The following SHISA9 variants were observed in gnomAD, a reference collection of about 807,000 sequenced individuals.
The protein encoded by SHISA9 is protein shisa-9.
A neutral mutation model predicts 38.0 loss-of-function variants in SHISA9; 13 were observed. The observed-to-expected ratio is 0.34, with a 90% CI of 0.22 to 0.54. The LOEUF (loss-of-function observed/expected upper bound fraction) is 0.54, where lower values mean the gene tolerates loss of function less well. SHISA9 is among the 20% of genes least tolerant of loss of function. The pLI is 0.91. For missense variants in SHISA9, 538 were observed against 575.8 expected (o/e 0.93, Z 0.67); for synonymous variants, 275 against 242.0 (o/e 1.14, Z -1.27).
the SHISA9 span, among the ~76,000 whole-genome samples, chr16:13,277,740 A>T: frequency 6.6e-6 from 1 of 151,920 alleles, no homozygotes; most frequent in Non-Finnish European, 1.5e-5. Flanking sequence ...GTTGGTTTAT[A>T]GAAGAGCTAC....
At chr16:13,269,764 G>A in the SHISA9 span, among the ~76,000 whole-genome samples, 1 of 152,218 alleles carries the variant, frequency 6.6e-6, no homozygotes, top group African/African-American at 2.4e-5. Flanking sequence ...AGTGGCTACA[G>A]TAAGGCTGTA....
intron 2 of SHISA9, among the ~76,000 whole-genome samples, chr16:13,187,344 T>C (rs1337042045): frequency 6.9e-6 from 1 of 145,924 alleles, no homozygotes; most frequent in East Asian, 2.0e-4. Context: ...TTTTTTTTTT[T>C]TTTTTTTTGA....
chr16:13,544,353 A>G, the SHISA9 span, among the ~76,000 whole-genome samples: 1 of 148,528 alleles, frequency 6.7e-6, no homozygotes, highest in African/African-American at 2.5e-5. Flanking sequence ...CAGAATTTGA[A>G]CCCCATTCTG....
chr16:13,251,187 G>A, the SHISA9 span, among the ~76,000 whole-genome samples: 2 of 152,156 alleles, frequency 1.3e-5, no homozygotes, highest in East Asian at 3.9e-4. Flanking sequence ...GTGTGGAGAT[G>A]CAGCATCCCC....
At chr16:13,082,092 C>A (rs2073657548) in intron 2 of SHISA9, among the ~76,000 whole-genome samples, 1 of 152,182 alleles carries the variant, frequency 6.6e-6, no homozygotes, top group East Asian at 1.9e-4. Flanking sequence ...AACAACAGAA[C>A]CCCCCAAAGG....
the SHISA9 span, among the ~76,000 whole-genome samples, chr16:13,268,557 G>T: frequency 6.6e-6 from 1 of 152,082 alleles, no homozygotes; most frequent in African/African-American, 2.4e-5. Flanking sequence ...AATTCATGTT[G>T]TACAAGACTT....
rs539582716 is a variant in SHISA9 at position 13,199,595 on chromosome 16, C to G, written c.692-3799C>G. 2.3e-4 allele frequency among the ~76,000 whole-genome samples: 35 copies of G among 152,318 alleles called. 2 individuals carry two copies. The highest frequency in any genetic ancestry group is 6.8e-3 in the Middle Eastern group (2 of 294). On this transcript the variant is annotated intron_variant, in intron 2 of 4. Coordinates refer to ENST00000558583, the MANE Select transcript of SHISA9 (RefSeq NM_001145204.3). The stretch of plus-strand genomic sequence containing the variant: ...CAGCTGCTTTCCTGTGGGTGTGATT[C>G]TTATTCTTTAATAATGAAGAAAGAT...
chr16:13,306,949 T>C, the SHISA9 span, among the ~76,000 whole-genome samples: 1 of 152,218 alleles, frequency 6.6e-6, no homozygotes, highest in Non-Finnish European at 1.5e-5. Context: ...TAGTAGTAGA[T>C]ACTTAATAAA....
In SHISA9 at chr16:12,902,867, T is replaced by TGTGTGTGTGTGTGTGA. The variant is rs1177790785; in HGVS notation, c.563+241_563+242insTGTGTGTGTGTGTGAG. On this transcript the variant is annotated intron_variant, in intron 1 of 4. Coordinates refer to ENST00000558583, the MANE Select transcript of SHISA9 (RefSeq NM_001145204.3). ...GTGTGAGCGTGTGTGTGTGTGTGTG[T>TGTGTGTGTGTGTGTGA]GACTCTGCTCCCTCACCCTCTGGCC... The TGTGTGTGTGTGTGTGA allele has an allele frequency of 1.3e-3, 656 of 503,244 alleles. 2 individuals are homozygous for TGTGTGTGTGTGTGTGA. In the East Asian group the frequency reaches 0.014, roughly 11 times the overall value. 31.2% of individuals were successfully genotyped at this position (503,244 alleles called of 1,614,324 possible). A position where few individuals can be genotyped will look rare whatever the true frequency, so the allele number is the denominator to read the frequency against.
chr16:13,381,231 C>T, the SHISA9 span, among the ~76,000 whole-genome samples: 18 of 152,020 alleles, frequency 1.2e-4, no homozygotes, highest in Admixed American at 1.2e-3. Context: ...GGCAACTAAC[C>T]AGATTAGAGA....
chr16:13,297,489 A>C, the SHISA9 span, among the ~76,000 whole-genome samples: 2 of 152,148 alleles, frequency 1.3e-5, no homozygotes, highest in African/African-American at 4.8e-5. Context: ...CCTGGGGTTG[A>C]GACAGTTGCA....
chr16:13,433,334 A>T, the SHISA9 span, among the ~76,000 whole-genome samples: 2 of 152,334 alleles, frequency 1.3e-5, no homozygotes, highest in South Asian at 4.1e-4. Context: ...TGTAAATCTG[A>T]AGTAACCAAA....
the SHISA9 span, among the ~76,000 whole-genome samples, chr16:13,333,254 C>A: frequency 4.6e-5 from 7 of 152,298 alleles, no homozygotes; most frequent in South Asian, 4.1e-4. Flanking sequence ...ATGGGAGGAC[C>A]AGTTTGGTCC....
chr16:13,378,661 C>T, the SHISA9 span, among the ~76,000 whole-genome samples: 1 of 152,204 alleles, frequency 6.6e-6, no homozygotes, highest in African/African-American at 2.4e-5. Flanking sequence ...TCTTTCTCCT[C>T]TTCTAGGTGC....
At chr16:13,435,305 T>A in the SHISA9 span, among the ~76,000 whole-genome samples, 1 of 152,256 alleles carries the variant, frequency 6.6e-6, no homozygotes, top group African/African-American at 2.4e-5. Context: ...TCAAAGAGGT[T>A]CAGCAAGAAC....
the SHISA9 span, among the ~76,000 whole-genome samples, chr16:13,406,657 G>A: frequency 1.3e-5 from 2 of 152,184 alleles, no homozygotes; most frequent in Non-Finnish European, 2.9e-5. Flanking sequence ...ATAGTGTAAG[G>A]CATTAGTTGG....
chr16:12,956,726 G>A (rs558204343), intron 2 of SHISA9, among the ~76,000 whole-genome samples: 6 of 152,254 alleles, frequency 3.9e-5, no homozygotes, highest in Admixed American at 3.9e-4. Flanking sequence ...CTCCAAAAGA[G>A]GGGAGAATGG....
chr16:13,041,975 G>C (rs1182550140), intron 2 of SHISA9, among the ~76,000 whole-genome samples: 2 of 152,224 alleles, frequency 1.3e-5, no homozygotes, highest in African/African-American at 4.8e-5. Flanking sequence ...ACCCGGCTTT[G>C]ACTTTTTGGT....
At chr16:13,121,492 G>T (rs1002580341) in intron 2 of SHISA9, among the ~76,000 whole-genome samples, 1 of 152,048 alleles carries the variant, frequency 6.6e-6, no homozygotes, top group African/African-American at 2.4e-5. Flanking sequence ...AACCCATCTC[G>T]AAAATAAAGA....
Sources: allele counts gnomAD v4.1 joint callset (sites outside exome capture counted in the v4.1 genomes callset), GRCh38; gene constraint gnomAD v4.1.1; transcripts MANE v1.5; gene names NCBI Gene and HGNC (gene_info 2026-07-23, HGNC 2026-07-21).